ZNF77: variants seen among roughly 807,000 people sequenced by gnomAD.
The protein encoded by ZNF77 is zinc finger protein 77.
In ZNF77, 15 loss-of-function variants were observed where a neutral mutation model predicts 13.5. That is an observed-to-expected ratio of 1.11 (90% CI 0.74 to 1.71). The LOEUF (loss-of-function observed/expected upper bound fraction) is 1.71, where lower values mean the gene tolerates loss of function less well. Ranked by LOEUF, ZNF77 falls within the 40% of genes most tolerant of loss-of-function variation. The pLI, the probability that ZNF77 is intolerant of heterozygous loss-of-function variation, is 0.00. For missense variants in ZNF77, 717 were observed against 676.4 expected (o/e 1.06, Z -0.67); for synonymous variants, 282 against 250.0 (o/e 1.13, Z -1.21).
Position 2,933,306 on chromosome 19 carries a change from G to A in ZNF77, c.*183C>T. Reference sequence around the variant, plus strand: ...TACAAAAGGAATCACTATTAAGGCTGAGGCATGTAAAGGCAATACCATATT... The same window carrying A: ...TACAAAAGGAATCACTATTAAGGCTAAGGCATGTAAAGGCAATACCATATT... On this transcript the variant is annotated 3_prime_UTR_variant, in exon 4 of 4. Transcript: ENST00000314531. The A allele has an allele frequency of 7.0e-6, 4 of 573,360 alleles. No individual in the cohort carries two copies. Among genetic ancestry groups the A allele is most frequent in the Non-Finnish European group, 1.1e-5 (4 of 348,248 alleles). The allele number at this position is 573,360 out of a possible 1,614,324, so 35.5% of individuals were successfully genotyped here.
At position 2,934,347 on chromosome 19, in the gene ZNF77, T is replaced by A; in HGVS notation, c.780A>T (p.Arg260Ser). 6.2e-7 allele frequency: 1 copy of A among 1,614,208 alleles called. No homozygotes were observed. The highest frequency in any genetic ancestry group is 8.5e-7 in the Non-Finnish European group (1 of 1,180,032). Residue 260 changes from arginine to serine, a missense_variant, in exon 4 of 4, where the codon AGA (arginine) becomes AGT (serine). Physicochemically the swap from Arg to Ser is moderately radical, Grantham distance 110 (BLOSUM62 -1). Transcript: ENST00000314531. ...MYYSYLTRHV[R>S]THTGEKPYEC... ...CATAGGGTTTCTCTCCTGTGTGAGTTCTTACGTGCCGTGTAAGGTAGGAGT... is the reference window on the plus strand; with the variant it reads ...CATAGGGTTTCTCTCCTGTGTGAGTACTTACGTGCCGTGTAAGGTAGGAGT...
Position 2,933,559 on chromosome 19 carries a change from T to C in ZNF77, c.1568A>G (p.Lys523Arg). Residue 523 changes from lysine to arginine, a missense_variant, in exon 4 of 4, where the codon AAG becomes AGG. Coordinates refer to ENST00000314531, the MANE Select transcript of ZNF77 (RefSeq NM_021217.3). ...THTGERPYEC[K>R]QCGKTFRYLA... ...ATACCTGAAGGTTTTCCCACACTGC[T>C]TGCATTCATACGGTCTCTCTCCAGT... is the stretch of plus-strand genomic sequence containing the variant. The C allele has an allele frequency of 3.1e-6, 5 of 1,611,804 alleles. No homozygotes were observed. The highest frequency in any genetic ancestry group is 4.2e-6 in the Non-Finnish European group (5 of 1,178,230).
chr19:2,934,629 T>C lies in ZNF77; in HGVS notation c.498A>G (p.Glu166=). ...RSHTGQRPCK[E]CGQACSCLSC... is the part of the protein sequence containing the mutation. ...AGAGGCAGCTGCAGGCTTGCCCACATTCCTTACACGGTCTCTGTCCAGTGT... is the reference window on the plus strand; with the variant it reads ...AGAGGCAGCTGCAGGCTTGCCCACACTCCTTACACGGTCTCTGTCCAGTGT... Residue 166 remains glutamate, a synonymous_variant, in exon 4 of 4, where the codon GAA becomes GAG. Coordinates refer to ENST00000314531, the MANE Select transcript of ZNF77 (RefSeq NM_021217.3). 1 of 1,614,170 alleles carries C rather than the reference T, an allele frequency of 6.2e-7. No individual in the cohort carries two copies. The highest frequency in any genetic ancestry group is 1.6e-4 in the Middle Eastern group (1 of 6,062).
chr19:2,939,646 G>A (rs1037892868), intron 1 of ZNF77: 5 of 503,564 alleles, frequency 9.9e-6, no homozygotes, highest in Non-Finnish European at 1.8e-5. Context: ...AGAAACGGCA[G>A]GTATGAGGGT....
At chr19:2,942,317 A>G (rs972866309) in intron 1 of ZNF77, among the ~76,000 whole-genome samples, 4 of 145,048 alleles carry the variant, frequency 2.8e-5, no homozygotes, top group Admixed American at 1.4e-4. Flanking sequence ...TGATCCGCCC[A>G]CCTCAGCCAC....
Position 2,944,878 on chromosome 19 carries a change from C to T in ZNF77, c.-38G>A. Reference sequence around the variant, plus strand: ...CCTGGGCTCTCCAGGGTTAGCGCCCCGCGGTCCAGCGACCGGCGCAGGTGA... The same window carrying T: ...CCTGGGCTCTCCAGGGTTAGCGCCCTGCGGTCCAGCGACCGGCGCAGGTGA... On this transcript the variant is annotated 5_prime_UTR_variant, in exon 1 of 4. Coordinates refer to ENST00000314531, the MANE Select transcript of ZNF77 (RefSeq NM_021217.3). 2 of 1,522,480 alleles carry T rather than the reference C, an allele frequency of 1.3e-6. No individual in the cohort carries two copies. Among genetic ancestry groups the T allele is most frequent in the Non-Finnish European group, 1.8e-6 (2 of 1,141,104 alleles). The allele number at this position is 1,522,480 out of a possible 1,614,324, so 94.3% of individuals were successfully genotyped here.
intron 2 of ZNF77, among the ~76,000 whole-genome samples, chr19:2,938,233 T>C (rs1322644064): frequency 6.6e-6 from 1 of 152,144 alleles, no homozygotes; most frequent in African/African-American, 2.4e-5. Flanking sequence ...GAGAATCACA[T>C]GATGAGGAAG....
Position 2,934,497 on chromosome 19 carries a change from C to T in ZNF77, c.630G>A (p.Lys210=). Residue 210 remains lysine (K), a synonymous_variant, in exon 4 of 4, where the codon AAG becomes AAA. Transcript: ENST00000314531. ...TTCCACATTTCTGACATTCATAAGACTTTTTACTGCTGAGACTTTTCACGT... is the reference window on the plus strand; with the variant it reads ...TTCCACATTTCTGACATTCATAAGATTTTTTACTGCTGAGACTTTTCACGT... The part of the protein sequence containing the change: ...VTYVKSLSSK[K]SYECQKCGKA... The T allele has an allele frequency of 6.2e-7, 1 of 1,614,188 alleles. No homozygotes were observed. Among genetic ancestry groups the T allele is most frequent in the Non-Finnish European group, 8.5e-7 (1 of 1,180,026 alleles).
Position 2,944,855 on chromosome 19 carries a change from T to C in ZNF77, c.-15A>G, listed in dbSNP as rs1206032785. ...GCACTCACCATGTCCCGCCCGCTCC[T>C]GGGCTCTCCAGGGTTAGCGCCCCGC... On this transcript the variant is annotated 5_prime_UTR_variant, in exon 1 of 4. Transcript: ENST00000314531. The C allele has an allele frequency of 3.3e-6, 5 of 1,526,260 alleles. No homozygotes were observed. The Admixed American group carries it at 6.0e-5, about 18-fold the overall frequency. 94.5% of individuals were successfully genotyped at this position (1,526,260 alleles called of 1,614,324 possible). A position where few individuals can be genotyped will look rare whatever the true frequency, so the allele number is the denominator to read the frequency against.
In ZNF77 at chr19:2,939,385, A is replaced by C; in HGVS notation, c.26T>G (p.Val9Gly). The change falls in exon 2 of 4, where the codon GTG becomes GGG. Residue 9 changes from valine to glycine, a missense_variant. Physicochemically the swap from Val to Gly is moderately radical, Grantham distance 109. Transcript: ENST00000314531. Reference sequence around the variant, plus strand: ...CTCTTCTGGGGTGAAGTTCACAGCCACTTCCTCAAAGATCACGCAGTCCTA... The same window carrying C: ...CTCTTCTGGGGTGAAGTTCACAGCCCCTTCCTCAAAGATCACGCAGTCCTA... MDCVIFEE[V>G]AVNFTPEEWA... is the part of the protein sequence containing the mutation. 1.2e-6 allele frequency: 2 copies of C among 1,614,168 alleles called. No homozygotes were observed. Among genetic ancestry groups the C allele is most frequent in the Non-Finnish European group, 1.7e-6 (2 of 1,180,012 alleles).
intron 1 of ZNF77, among the ~76,000 whole-genome samples, chr19:2,941,517 C>T (rs1004991208): frequency 6.6e-6 from 1 of 152,002 alleles, no homozygotes; most frequent in Non-Finnish European, 1.5e-5. Flanking sequence ...CAAATCACCA[C>T]TTTCAGCCCG....
chr19:2,933,396 G>T lies in ZNF77; in HGVS notation c.*93C>A, dbSNP rs1413403514. ...AGGTACAAAATAAGTGCTATACCAGGTTTTCCTACATGCTCTACATAAATA... is the reference window on the plus strand; with the variant it reads ...AGGTACAAAATAAGTGCTATACCAGTTTTTCCTACATGCTCTACATAAATA... On this transcript the variant is annotated 3_prime_UTR_variant, in exon 4 of 4. Transcript: ENST00000314531. The T allele has an allele frequency of 2.5e-5, 36 of 1,450,048 alleles. No homozygotes were observed. Among genetic ancestry groups the T allele is most frequent in the Non-Finnish European group, 2.7e-5 (29 of 1,090,952 alleles). The allele number at this position is 1,450,048 out of a possible 1,614,324, so 89.8% of individuals were successfully genotyped here.
intron 2 of ZNF77, among the ~76,000 whole-genome samples, chr19:2,938,960 AAAT>A (rs2088423683): frequency 7.2e-6 from 1 of 138,856 alleles, no homozygotes; most frequent in African/African-American, 2.5e-5. Flanking sequence ...CGTCTCAAAA[AAAT>A]AAAAAAAAAA....
rs1262505321 is a variant in ZNF77, at chr19:2,934,316, T to TA, written c.810dup (p.Lys271Ter). On this transcript the variant is annotated frameshift_variant, in exon 4 of 4. Coordinates refer to ENST00000314531, the MANE Select transcript of ZNF77 (RefSeq NM_021217.3). LOFTEE classifies it low-confidence loss of function (END_TRUNC). ...CAGCTGAAGGCTTTCCCACACTCCT[T>TA]ACACTCATAGGGTTTCTCTCCTGTG... is the stretch of plus-strand genomic sequence containing the variant. 10 of 1,613,624 alleles carry TA rather than the reference T, an allele frequency of 6.2e-6. No homozygotes were observed. Among genetic ancestry groups the TA allele is most frequent in the African/African-American group, 2.7e-5 (2 of 74,924 alleles).
Position 2,933,879 on chromosome 19 carries a change from G to C in ZNF77, c.1248C>G (p.Ala416=). 1.9e-6 allele frequency: 3 copies of C among 1,611,716 alleles called. No homozygotes were observed. Among genetic ancestry groups the C allele is most frequent in the Non-Finnish European group, 2.5e-6 (3 of 1,179,354 alleles). ...KPYQCKECGK[A]YSFSSSLRIH... ...TTCGAAGGGAGGAGGAAAAACTGTA[G>C]GCTTTCCCACACTCTTTACATTGAT... The change falls in exon 4 of 4, where the codon GCC becomes GCG. Residue 416 remains alanine (A), a synonymous_variant. Transcript: ENST00000314531.
Position 2,934,826 on chromosome 19 carries a change from T to C in ZNF77, c.312-11A>G, listed in dbSNP as rs1038103815. On this transcript the variant is annotated splice_polypyrimidine_tract_variant and intron_variant, in intron 3 of 3. Transcript: ENST00000314531. ...CTCCCCAGCTGACTTCTGTTCAAAATGGGAAGCAAGCTACTAGTCATGAAT... is the reference window on the plus strand; with the variant it reads ...CTCCCCAGCTGACTTCTGTTCAAAACGGGAAGCAAGCTACTAGTCATGAAT... 4 of 1,591,824 alleles carry C rather than the reference T, an allele frequency of 2.5e-6. No homozygotes were observed. The highest frequency in any genetic ancestry group is 1.3e-5 in the African/African-American group (1 of 74,262).
Position 2,934,242 on chromosome 19 carries a change from C to A in ZNF77, c.885G>T (p.Pro295=), listed in dbSNP as rs376957532. The A allele has an allele frequency of 1.2e-6, 2 of 1,613,914 alleles. No individual in the cohort carries two copies. Among genetic ancestry groups the A allele is most frequent in the South Asian group, 2.2e-5 (2 of 91,062 alleles). ...EHVRTHTGEK[P]YECKHCGKSF... is the part of the protein sequence containing the mutation. ...ATTTTCCACAATGCTTACATTCATA[C>A]GGTTTCTCTCCAGTGTGTGTTCTGA... Residue 295 remains proline (P), a synonymous_variant, in exon 4 of 4, where the codon CCG becomes CCT. Coordinates refer to ENST00000314531, the MANE Select transcript of ZNF77 (RefSeq NM_021217.3).
intron 1 of ZNF77, among the ~76,000 whole-genome samples, chr19:2,940,191 T>C (rs2088436916): frequency 1.3e-5 from 2 of 151,764 alleles, no homozygotes; most frequent in South Asian, 2.1e-4. Context: ...ATTTTAAAAA[T>C]ACAACTATGA....
In ZNF77 at chr19:2,944,846, G is replaced by A. The variant is rs1229572282; in HGVS notation, c.-6C>T. ...TCCCGCCCGGCACTCACCATGTCCCGCCCGCTCCTGGGCTCTCCAGGGTTA... is the reference window on the plus strand; with the variant it reads ...TCCCGCCCGGCACTCACCATGTCCCACCCGCTCCTGGGCTCTCCAGGGTTA... On this transcript the variant is annotated 5_prime_UTR_variant, in exon 1 of 4. Transcript: ENST00000314531. 2.6e-6 allele frequency: 4 copies of A among 1,525,998 alleles called. No homozygotes were observed. Among genetic ancestry groups the A allele is most frequent in the Non-Finnish European group, 1.7e-6 (2 of 1,142,976 alleles). 94.5% of individuals were successfully genotyped at this position (1,525,998 alleles called of 1,614,324 possible). A position where few individuals can be genotyped will look rare whatever the true frequency, so the allele number is the denominator to read the frequency against.
Sources: gnomAD v4.1 joint callset for allele counts (sites outside exome capture counted in the v4.1 genomes callset) on GRCh38, gnomAD v4.1.1 for gene constraint, MANE v1.5 for transcripts, NCBI Gene and HGNC (gene_info 2026-07-23, HGNC 2026-07-21) for gene names.